Variants in LRP4 observed in about 807,000 individuals in gnomAD.
The protein encoded by LRP4 is LDL receptor related protein 4, also known as low-density lipoprotein receptor-related protein 4.
In LRP4, 95 loss-of-function variants were observed where a neutral mutation model predicts 220.3. That is an observed-to-expected ratio of 0.43 (90% CI 0.37 to 0.51). LRP4 has a LOEUF of 0.51. Ranked by LOEUF, LRP4 falls within the 20% of genes least tolerant of loss-of-function variation. The probability of loss-of-function intolerance (pLI) is 0.00; values close to 1 mark genes in which losing one functional copy is unlikely to be tolerated. For missense variants in LRP4, 1,925 were observed against 2,567.0 expected, an observed-to-expected ratio of 0.75 and a Z score of 5.40; for synonymous variants, 903 against 954.6, an observed-to-expected ratio of 0.95 and a Z score of 1.00.
chr11:46,861,522 A>ATTTTT (rs1565773314), intron 37 of LRP4, among the ~76,000 whole-genome samples: 10 of 38,118 alleles, frequency 2.6e-4, no homozygotes, highest in African/African-American at 4.3e-4. Flanking sequence ...TGGAAATGGG[A>ATTTTT]CTTTTTTTTT....
chr11:46,912,478 G>T (rs992956563), intron 1 of LRP4, among the ~76,000 whole-genome samples: 6 of 152,158 alleles, frequency 3.9e-5, no homozygotes, highest in Non-Finnish European at 7.4e-5. Context: ...TAAACTGCCC[G>T]TGGAAGGAGG....
At chr11:46,877,618 C>T (rs985763217) in intron 22 of LRP4, among the ~76,000 whole-genome samples, 5 of 152,120 alleles carry the variant, frequency 3.3e-5, no homozygotes, top group African/African-American at 1.2e-4. Context: ...CAGGCACACA[C>T]CACCATGCCC....
Position 46,875,998 on chromosome 11 carries a change from T to TA in LRP4, c.3537-33dup, listed in dbSNP as rs781118821. On this transcript the variant is annotated intron_variant, in intron 25 of 37. Coordinates refer to ENST00000378623, the MANE Select transcript of LRP4 (RefSeq NM_002334.4). This position sits in a 1 kb window ranked among gnomAD's most constrained non-coding sequence, Gnocchi z 4.5. ...GAGGAAGAATATTAGCTATATTAGC[T>TA]AGTTATTCCAGCAGCTACCACATAC... 1 of 1,603,970 alleles carries TA rather than the reference T, an allele frequency of 6.2e-7. No homozygotes were observed. Among genetic ancestry groups the TA allele is most frequent in the Admixed American group, 1.7e-5 (1 of 59,990 alleles).
chr11:46,899,132 C>T lies in LRP4; in HGVS notation c.548-100G>A. 1 of 1,194,622 alleles carries T rather than the reference C, an allele frequency of 8.4e-7. No individual in the cohort carries two copies. The highest frequency in any genetic ancestry group is 1.9e-5 in the Admixed American group (1 of 52,126). The allele number at this position is 1,194,622 out of a possible 1,614,324, so 74.0% of individuals were successfully genotyped here. On this transcript the variant is annotated intron_variant, in intron 5 of 37. Transcript: ENST00000378623. The surrounding 1 kb of genome is among the most constrained non-coding windows in gnomAD (Gnocchi z 5.9). ...CAGGCAGGATGCTCAGGCAGGAGAGCTTCTTCAAGTGAGATGTAACCAGGT... is the reference window on the plus strand; with the variant it reads ...CAGGCAGGATGCTCAGGCAGGAGAGTTTCTTCAAGTGAGATGTAACCAGGT...
intron 19 of LRP4, among the ~76,000 whole-genome samples, chr11:46,882,682 T>C (rs1299612030): frequency 6.7e-6 from 1 of 150,316 alleles, no homozygotes; most frequent in Non-Finnish European, 1.5e-5. Context: ...CAAGACCCCA[T>C]CTCTACAAAA....
chr11:46,898,809 T>G (rs1941600389), intron 6 of LRP4, 95 bp downstream of exon 6: 12 of 1,605,774 alleles, frequency 7.5e-6, no homozygotes, highest in Middle Eastern at 3.3e-4. Context: ...GAAACTCCTC[T>G]CTGAACTCCT....
At chr11:46,895,083 T>C (rs1941497286) in intron 11 of LRP4, 83 bp downstream of exon 11, 1 of 1,566,808 alleles carries the variant, frequency 6.4e-7, no homozygotes, top group Non-Finnish European at 8.7e-7. Flanking sequence ...TCTACCTCTC[T>C]GCAAATCCCT....
intron 2 of LRP4, 52 bp downstream of exon 2, chr11:46,902,731 C>G: frequency 6.2e-7 from 1 of 1,609,514 alleles, no homozygotes. Flanking sequence ...CCTTGCCCCC[C>G]ACCCCCAGGT....
chr11:46,892,021 CCCAGTCTCAAGCCAT>C (rs1941433368), intron 13 of LRP4, among the ~76,000 whole-genome samples: 1 of 152,190 alleles, frequency 6.6e-6, no homozygotes, highest in Admixed American at 6.5e-5. Context: ...ACCTCGACCT[CCCAGTCTCAAGCCAT>C]CCTTGCACCT....
At chr11:46,916,292 T>G (rs1020712409) in intron 1 of LRP4, among the ~76,000 whole-genome samples, 3 of 151,568 alleles carry the variant, frequency 2.0e-5, no homozygotes, top group African/African-American at 7.3e-5. Flanking sequence ...AAACAAAAAT[T>G]TGTAGGGTAT....
Position 46,889,538 on chromosome 11 carries a change from T to A in LRP4, c.2093-5A>T. ...TGTCCCCACAGCGGTTTTTCCCTGC[T>A]CAAAGAGCCCAGGGCAAGAGGATCA... On this transcript the variant is annotated splice_polypyrimidine_tract_variant and splice_region_variant and intron_variant, in intron 15 of 37. Transcript: ENST00000378623. 2.5e-6 allele frequency: 4 copies of A among 1,613,466 alleles called. No individual in the cohort carries two copies. The highest frequency in any genetic ancestry group is 3.4e-6 in the Non-Finnish European group (4 of 1,180,006).
intron 1 of LRP4, among the ~76,000 whole-genome samples, chr11:46,914,861 G>T (rs1216044830): frequency 2.6e-5 from 4 of 151,700 alleles, no homozygotes; most frequent in African/African-American, 9.7e-5. Context: ...TCTTTAAAGG[G>T]GCAGCAACAT....
At chr11:46,906,889 G>A (rs1192019395) in intron 1 of LRP4, among the ~76,000 whole-genome samples, 1 of 152,176 alleles carries the variant, frequency 6.6e-6, no homozygotes, top group Non-Finnish European at 1.5e-5. Context: ...CTCAGCGTCC[G>A]CTGCAGTGAA....
intron 37 of LRP4, chr11:46,860,835 A>T: frequency 3.4e-6 from 1 of 296,492 alleles, no homozygotes; most frequent in Non-Finnish European, 5.0e-6. Context: ...GTCTTAATTA[A>T]GAGACACGCT....
rs1269098201 is a variant in LRP4, at chr11:46,868,033, G to A, written c.5033C>T (p.Thr1678Ile). 3 of 1,614,162 alleles carry A rather than the reference G, an allele frequency of 1.9e-6. No homozygotes were observed. The highest frequency in any genetic ancestry group is 2.5e-6 in the Non-Finnish European group (3 of 1,180,032). The part of the protein sequence containing the change: ...SPVLPNTPPT[T>I]LYSSTTRTRT... Reference sequence around the variant, plus strand: ...GGTCCGGGTGGTTGAAGAATACAAGGTGGTAGGTGGTGTGTTGGGTAGCAC... The same window carrying A: ...GGTCCGGGTGGTTGAAGAATACAAGATGGTAGGTGGTGTGTTGGGTAGCAC... The change falls in exon 34 of 38, where the codon ACC becomes ATC. Residue 1678 changes from threonine (T) to isoleucine (I), a missense_variant. Around this residue, in one of 3 missense-constraint regions of LRP4, gnomAD observed 1,244 missense variants for 1,624.9 expected, o/e 0.77. Coordinates refer to ENST00000378623, the MANE Select transcript of LRP4 (RefSeq NM_002334.4).
At chr11:46,877,165 A>T in intron 23 of LRP4, 34 bp downstream of exon 23, 1 of 1,612,282 alleles carries the variant, frequency 6.2e-7, no homozygotes, top group South Asian at 1.1e-5. Flanking sequence ...GGGCAGGGAC[A>T]GAAGGCCAGG....
At chr11:46,866,351 A>G (rs1386213315) in intron 34 of LRP4, among the ~76,000 whole-genome samples, 2 of 150,964 alleles carry the variant, frequency 1.3e-5, no homozygotes, top group African/African-American at 2.4e-5. Flanking sequence ...TGGCACAATC[A>G]CAGCTCACTG....
intron 32 of LRP4, 133 bp from the exon 33 acceptor site, chr11:46,868,846 G>C: frequency 7.7e-7 from 1 of 1,294,784 alleles, no homozygotes; most frequent in Non-Finnish European, 1.1e-6. Flanking sequence ...ACAACCGCGA[G>C]GGAGTAAAAA....
intron 1 of LRP4, among the ~76,000 whole-genome samples, chr11:46,907,918 AG>A (rs887708813): frequency 1.3e-5 from 2 of 152,176 alleles, no homozygotes; most frequent in Admixed American, 1.3e-4. Context: ...ACACAGCAAA[AG>A]CTTCATAATA....
Sources: allele counts gnomAD v4.1 joint callset (sites outside exome capture counted in the v4.1 genomes callset), GRCh38; gene constraint gnomAD v4.1.1; regional missense constraint gnomAD v4.1.1; non-coding constraint Gnocchi (gnomAD v3.1); transcripts MANE v1.5; gene names NCBI Gene and HGNC (gene_info 2026-07-23, HGNC 2026-07-21).